Variants in POLR2F observed in about 807,000 individuals in gnomAD.
POLR2F encodes the protein RNA polymerase II, I and III subunit F, also known as DNA-directed RNA polymerases I, II, and III subunit RPABC2.
In POLR2F, 12 loss-of-function variants were observed where a neutral mutation model predicts 22.7. The ratio of observed to expected loss-of-function variants is 0.53; its 90% CI spans 0.34 to 0.86. The LOEUF (loss-of-function observed/expected upper bound fraction) is 0.86. Ranked by LOEUF, POLR2F falls within the 40% of genes least tolerant of loss-of-function variation. The pLI is 0.02. For missense variants in POLR2F, 126 were observed against 171.5 expected (o/e 0.73, Z 1.48); for synonymous variants, 57 against 66.0 (o/e 0.86, Z 0.66).
chr22:37,957,407 A>AT (rs1931444264), intron 2 of POLR2F, among the ~76,000 whole-genome samples: 1 of 152,112 alleles, frequency 6.6e-6, no homozygotes, highest in African/African-American at 2.4e-5. Flanking sequence ...TAAAAGAGTT[A>AT]TTTCGGTGGG....
chr22:37,990,097 G>A (rs754000802), intron 1 of POLR2F, among the ~76,000 whole-genome samples: 11 of 152,266 alleles, frequency 7.2e-5, no homozygotes, highest in Admixed American at 3.3e-4. Context: ...GCTCAGCCTC[G>A]GCTCACCTTC....
At chr22:37,989,222 A>G (rs1932670573) in intron 1 of POLR2F, among the ~76,000 whole-genome samples, 1 of 152,184 alleles carries the variant, frequency 6.6e-6, no homozygotes, top group Admixed American at 6.5e-5. Flanking sequence ...TACGATGTTG[A>G]TAATCTTATG....
In POLR2F at chr22:38,026,272, A is replaced by G; in HGVS notation, c.400-2A>G. 1 of 533,232 alleles carries G rather than the reference A, an allele frequency of 1.9e-6. No homozygotes were observed. The highest frequency in any genetic ancestry group is 3.8e-6 in the Non-Finnish European group (1 of 259,860). The allele number at this position is 533,232 out of a possible 1,614,324, so 33.0% of individuals were successfully genotyped here. On this transcript the variant is annotated splice_acceptor_variant, in intron 2 of 2. Transcript: ENST00000333418. LOFTEE classifies it high-confidence loss of function. Reference sequence around the variant, plus strand: ...ATTTCCCTCTCTTTCCCTCCTGCCCAGGGTAGCTGGCTTGCTTGACCCAAG... The same window carrying G: ...ATTTCCCTCTCTTTCCCTCCTGCCCGGGGTAGCTGGCTTGCTTGACCCAAG...
At chr22:38,026,258 T>C in intron 2 of POLR2F, 1 of 533,256 alleles carries the variant, frequency 1.9e-6, no homozygotes, top group South Asian at 1.4e-5. Context: ...TTTCCCTCTC[T>C]TTCCCTCCTG....
At chr22:38,039,815 C>T (rs1019553806) in intron 5 of POLR2F, among the ~76,000 whole-genome samples, 1 of 152,150 alleles carries the variant, frequency 6.6e-6, no homozygotes, top group African/African-American at 2.4e-5. Flanking sequence ...GAGACCCTGG[C>T]GGCCCTCAAG....
Position 37,965,131 on chromosome 22 carries a change from G to A in POLR2F, c.222-1968G>A, listed in dbSNP as rs376570827. Among the ~76,000 whole-genome samples, 5 of 152,116 alleles carry A rather than the reference G, an allele frequency of 3.3e-5. No homozygotes were observed. The East Asian group carries it at 9.7e-4, about 29-fold the overall frequency. ...AGCGATTCTCATGCCTCAGCCTCTCGAGTATCTGGGACTACAGGCATGTGC... is the reference window on the plus strand; with the variant it reads ...AGCGATTCTCATGCCTCAGCCTCTCAAGTATCTGGGACTACAGGCATGTGC... On this transcript the variant is annotated intron_variant, in intron 3 of 4. Transcript: ENST00000442738.
chr22:37,970,187 G>A (rs1028992705), downstream of POLR2F, among the ~76,000 whole-genome samples: 21 of 151,786 alleles, frequency 1.4e-4, no homozygotes, highest in East Asian at 1.7e-3. Flanking sequence ...CCAGCTACTC[G>A]GGAGGCTGAG....
At chr22:38,026,321 A>G in exon 3 of POLR2F, 1 of 531,546 alleles carries the variant, frequency 1.9e-6, no homozygotes, top group South Asian at 1.4e-5. Context: ...GAACAGATGA[A>G]AGAGGCCAGC....
Position 37,986,251 on chromosome 22 carries a change from G to T in POLR2F, c.61G>T (p.Val21Phe), listed in dbSNP as rs1369963450. ...GCCGTCGTGTCCCGGCTGCCCTGCA[G>T]TCGCCTCCAACACCCGCTGCTGCCC... The change falls in exon 1 of 3, where the codon GTC (valine) becomes TTC (phenylalanine). Residue 21 changes from valine (V) to phenylalanine (F), a missense_variant. By Grantham distance (50) the Val-to-Phe change is conservative. Coordinates refer to the POLR2F transcript ENST00000333418. The surrounding 1 kb of genome is among the most constrained non-coding windows in gnomAD (Gnocchi z 4.7). 1 of 1,540,238 alleles carries T rather than the reference G, an allele frequency of 6.5e-7. No individual in the cohort carries two copies.
intron 5 of POLR2F, among the ~76,000 whole-genome samples, chr22:38,037,928 A>T (rs1569186942): frequency 1.3e-5 from 2 of 152,138 alleles, no homozygotes; most frequent in Admixed American, 1.3e-4. Context: ...AAGTAGCCTC[A>T]GCAGAGAGAC....
rs188635881 is a variant in POLR2F at position 38,038,956 on chromosome 22, G to T, written c.453-2112G>T. Among the ~76,000 whole-genome samples the T allele has an allele frequency of 2.0e-4, 30 of 152,246 alleles. No individual in the cohort carries two copies. The East Asian group carries it at 5.6e-3, about 29-fold the overall frequency. On this transcript the variant is annotated intron_variant, in intron 5 of 5. Coordinates refer to the POLR2F transcript ENST00000407936. ...GGGGCAGTCGTAGGGGGCGGCTGGG[G>T]CTCCACAGGACGTTCGTGACCCACC...
chr22:37,973,803 C>G (rs748755187), downstream of POLR2F: 61 of 1,596,320 alleles, frequency 3.8e-5, no homozygotes, highest in Non-Finnish European at 4.9e-5. Flanking sequence ...TGTGGGGGCC[C>G]CTGGGGCCCC....
At chr22:37,970,947 C>CT (rs1372201954), downstream of POLR2F, 1 of 271,614 alleles carries the variant, frequency 3.7e-6, no homozygotes, top group African/African-American at 2.2e-5. Context: ...TACCATCCAG[C>CT]TTCACGGGAA....
downstream of POLR2F, among the ~76,000 whole-genome samples, chr22:38,030,632 C>T (rs908216968): frequency 6.6e-5 from 10 of 152,276 alleles, no homozygotes; most frequent in South Asian, 1.2e-3. Context: ...CCCAGGGGAC[C>T]GCCATGGTCT....
chr22:37,982,127 C>G (rs965931098), upstream of POLR2F, among the ~76,000 whole-genome samples: 4 of 152,196 alleles, frequency 2.6e-5, no homozygotes, highest in African/African-American at 9.7e-5. Context: ...TTGTTCTCAT[C>G]TTCTTGCTTC....
chr22:38,019,634 A>G (rs938146943), intron 1 of POLR2F, among the ~76,000 whole-genome samples: 11 of 152,340 alleles, frequency 7.2e-5, no homozygotes, highest in African/African-American at 2.6e-4. Flanking sequence ...CACCAGGAAA[A>G]TCAGGCCGTT....
At chr22:37,999,148 C>G (rs1016903374) in intron 1 of POLR2F, among the ~76,000 whole-genome samples, 4 of 152,284 alleles carry the variant, frequency 2.6e-5, no homozygotes, top group East Asian at 1.9e-4. Flanking sequence ...AGTCTGCCCC[C>G]ATCTTTGCTG....
chr22:37,965,204 A>G (rs1931807192), intron 3 of POLR2F, among the ~76,000 whole-genome samples: 1 of 151,852 alleles, frequency 6.6e-6, no homozygotes, highest in South Asian at 2.1e-4. Flanking sequence ...ACGGGGTTTC[A>G]CCATGTTGGC....
At chr22:38,009,308 C>T (rs1456035418) in intron 1 of POLR2F, among the ~76,000 whole-genome samples, 1 of 152,140 alleles carries the variant, frequency 6.6e-6, no homozygotes, top group African/African-American at 2.4e-5. Flanking sequence ...TTGCTGTCTA[C>T]TCTGTTGAGA....
Sources: gnomAD v4.1 joint callset for allele counts (sites outside exome capture counted in the v4.1 genomes callset) on GRCh38, gnomAD v4.1.1 for gene constraint, Gnocchi (gnomAD v3.1) non-coding constraint, MANE v1.5 for transcripts, NCBI Gene and HGNC (gene_info 2026-07-23, HGNC 2026-07-21) for gene names.